HCN1: variants seen among roughly 807,000 people sequenced by gnomAD.
HCN1 encodes hyperpolarization activated cyclic nucleotide gated potassium channel 1.
In HCN1, 13 loss-of-function variants were observed where a neutral mutation model predicts 78.9. The ratio of observed to expected loss-of-function variants is 0.16; its 90% CI spans 0.11 to 0.26. The LOEUF is 0.26. Ranked by LOEUF, HCN1 falls within the 10% of genes least tolerant of loss-of-function variation. HCN1 has a pLI of 1.00. For synonymous variants in HCN1, 552 were observed against 455.5 expected, an observed-to-expected ratio of 1.21 and a Z score of -2.70; for missense variants, 810 against 1,154.3, an observed-to-expected ratio of 0.70 and a Z score of 4.32.
In HCN1 at chr5:45,340,135, G is replaced by A. The variant is rs141834096; in HGVS notation, c.1377+12965C>T. On this transcript the variant is annotated intron_variant, in intron 5 of 7. Coordinates refer to ENST00000303230, the MANE Select transcript of HCN1 (RefSeq NM_021072.4). ...TGGGTTTCACTATGTTGGTCAGGCT[G>A]GTCTCGAACTCCTGACCTCAGGCAA... Among the ~76,000 whole-genome samples, 282 of 152,166 alleles carry A rather than the reference G, an allele frequency of 1.9e-3. 1 individual carries two copies. The highest frequency in any genetic ancestry group is 6.6e-3 in the African/African-American group (273 of 41,500).
intron 2 of HCN1, among the ~76,000 whole-genome samples, chr5:45,553,241 A>G (rs2111859469): frequency 6.6e-6 from 1 of 151,982 alleles, no homozygotes; most frequent in South Asian, 2.1e-4. Flanking sequence ...AGGCTGTCAC[A>G]TATTCTTCTG....
intron 1 of HCN1, among the ~76,000 whole-genome samples, chr5:45,677,757 C>T (rs1018749270): frequency 2.0e-5 from 3 of 151,786 alleles, no homozygotes; most frequent in African/African-American, 4.8e-5. Flanking sequence ...GAAGGTCAAA[C>T]GTCAACCACA....
At chr5:45,390,536 T>G (rs1739531854) in intron 4 of HCN1, among the ~76,000 whole-genome samples, 1 of 152,124 alleles carries the variant, frequency 6.6e-6, no homozygotes, top group East Asian at 1.9e-4. Flanking sequence ...TAAATTAAGG[T>G]TTAGTATGGA....
At chr5:45,341,079 G>T (rs1257644210) in intron 5 of HCN1, among the ~76,000 whole-genome samples, 1 of 151,806 alleles carries the variant, frequency 6.6e-6, no homozygotes, top group Non-Finnish European at 1.5e-5. Flanking sequence ...CTTTTTATTT[G>T]ATCTTTATTC....
chr5:45,287,436 A>AAAT (rs757044762), intron 6 of HCN1, among the ~76,000 whole-genome samples: 3 of 152,118 alleles, frequency 2.0e-5, no homozygotes, highest in African/African-American at 7.2e-5. Flanking sequence ...AACATACCAA[A>AAAT]AATGATAAAG....
At position 45,352,967 on chromosome 5, in the gene HCN1, A is replaced by C. The variant is rs146062169; in HGVS notation, c.1377+133T>G. The C allele has an allele frequency of 8.2e-4, 589 of 715,266 alleles. 7 individuals are homozygous for C. The East Asian group carries it at 0.012, about 15-fold the overall frequency. The allele number at this position is 715,266 out of a possible 1,614,324, so 44.3% of individuals were successfully genotyped here. On this transcript the variant is annotated intron_variant, in intron 5 of 7. Transcript: ENST00000303230. ...TAAGAGCTTATGTAGGTGAGAAGCT[A>C]AAGAAGATAAGGACAAAATATCTTA...
At chr5:45,683,043 C>T (rs1239360636) in intron 1 of HCN1, among the ~76,000 whole-genome samples, 1 of 151,880 alleles carries the variant, frequency 6.6e-6, no homozygotes, top group East Asian at 1.9e-4. Context: ...GTGGCAAGCT[C>T]CCCCTCCATA....
chr5:45,634,030 T>A (rs1745315925), intron 2 of HCN1, among the ~76,000 whole-genome samples: 2 of 151,970 alleles, frequency 1.3e-5, no homozygotes, highest in Admixed American at 6.6e-5. Context: ...AATAAAACAA[T>A]CATCTTTGAC....
chr5:45,547,788 T>A (rs1743259532), intron 2 of HCN1, among the ~76,000 whole-genome samples: 1 of 152,052 alleles, frequency 6.6e-6, no homozygotes, highest in Non-Finnish European at 1.5e-5. Flanking sequence ...AATAAACATA[T>A]AAAATGCTAT....
At chr5:45,670,807 C>T (rs1746136564) in intron 1 of HCN1, among the ~76,000 whole-genome samples, 1 of 151,602 alleles carries the variant, frequency 6.6e-6, no homozygotes, top group East Asian at 1.9e-4. Context: ...ATAATTCTAC[C>T]ATGCAATAAA....
chr5:45,373,390 A>C (rs548863561), intron 4 of HCN1, among the ~76,000 whole-genome samples: 1 of 106,146 alleles, frequency 9.4e-6, no homozygotes, highest in African/African-American at 4.9e-5. Context: ...TAATATATGT[A>C]AATATATATT....
chr5:45,289,237 G>T (rs1434001932), intron 6 of HCN1, among the ~76,000 whole-genome samples: 1 of 152,006 alleles, frequency 6.6e-6, no homozygotes, highest in East Asian at 1.9e-4. Flanking sequence ...GCCTCACAAT[G>T]TAACACTTAT....
At chr5:45,279,832 A>C (rs1189254783) in intron 6 of HCN1, among the ~76,000 whole-genome samples, 1 of 152,110 alleles carries the variant, frequency 6.6e-6, no homozygotes, top group Non-Finnish European at 1.5e-5. Context: ...ACACCCCCAA[A>C]ATTAATAGTA....
chr5:45,270,323 A>C (rs985956626), intron 6 of HCN1, among the ~76,000 whole-genome samples: 1 of 152,232 alleles, frequency 6.6e-6, no homozygotes, highest in Non-Finnish European at 1.5e-5. Context: ...GGCCAGCCTT[A>C]GCTGCAAGAA....
chr5:45,584,311 G>T lies in HCN1; in HGVS notation c.849+60874C>A, dbSNP rs553710094. Among the ~76,000 whole-genome samples the T allele has an allele frequency of 1.9e-3, 291 of 152,172 alleles. 2 individuals carry two copies. The highest frequency in any genetic ancestry group is 6.6e-3 in the African/African-American group (274 of 41,496). On this transcript the variant is annotated intron_variant, in intron 2 of 7. Transcript: ENST00000303230. ...GCCTTCTTTGTCTCTTTTGATCTTT[G>T]TTGGTTTAAAGTCTGTTTTATCACA...
chr5:45,497,855 G>A (rs1468892716), intron 2 of HCN1, among the ~76,000 whole-genome samples: 1 of 152,174 alleles, frequency 6.6e-6, no homozygotes, highest in Admixed American at 6.5e-5. Flanking sequence ...AGCTTAGTGT[G>A]GCTGGATATG....
At chr5:45,267,038 A>G (rs1316406859) in intron 7 of HCN1, 51 bp downstream of exon 7, 1 of 1,467,630 alleles carries the variant, frequency 6.8e-7, no homozygotes, top group East Asian at 2.3e-5. Context: ...GCAAACCTGT[A>G]TTATGCCAGG....
chr5:45,555,636 A>G (rs1003148726), intron 2 of HCN1, among the ~76,000 whole-genome samples: 1 of 151,860 alleles, frequency 6.6e-6, no homozygotes, highest in Non-Finnish European at 1.5e-5. Context: ...ATATTACCTG[A>G]CTTCAAATTA....
chr5:45,280,077 T>G (rs1000057062), intron 6 of HCN1, among the ~76,000 whole-genome samples: 17 of 152,222 alleles, frequency 1.1e-4, no homozygotes, highest in African/African-American at 4.1e-4. Context: ...TACTCATGTA[T>G]TTCAAGAAAG....
Sources: allele counts gnomAD v4.1 joint callset (sites outside exome capture counted in the v4.1 genomes callset), GRCh38; gene constraint gnomAD v4.1.1; transcripts MANE v1.5; gene names NCBI Gene and HGNC (gene_info 2026-07-23, HGNC 2026-07-21).